The following ENOX1 variants were observed in gnomAD, a reference collection of about 807,000 sequenced individuals.
The protein encoded by ENOX1 is candidate growth-related and time keeping constitutive hydroquinone (NADH) oxidase.
A neutral mutation model predicts 82.5 loss-of-function variants in ENOX1; 42 were observed. That is an observed-to-expected ratio of 0.51 (90% CI 0.40 to 0.66). The LOEUF (loss-of-function observed/expected upper bound fraction) is 0.66, where lower values mean the gene tolerates loss of function less well. Among genes scored for constraint, ENOX1 ranks in the 30% least tolerant of loss-of-function variants. The pLI is 0.00. For synonymous variants in ENOX1, 271 were observed against 282.2 expected (o/e 0.96, Z 0.40); for missense variants, 608 against 811.6 (o/e 0.75, Z 3.05).
chr13:43,409,235 A>G (rs76266728), intron 5 of ENOX1, among the ~76,000 whole-genome samples: 1 of 152,114 alleles, frequency 6.6e-6, no homozygotes, highest in Non-Finnish European at 1.5e-5. Context: ...TATTAAGTCC[A>G]TATGTATAGT....
At chr13:43,552,518 AT>A (rs2079246213) in intron 2 of ENOX1, among the ~76,000 whole-genome samples, 1 of 151,872 alleles carries the variant, frequency 6.6e-6, no homozygotes, top group African/African-American at 2.4e-5. Flanking sequence ...CTGGCTATAC[AT>A]TCTCCTCCCT....
chr13:43,711,655 A>T (rs2087725651), intron 1 of ENOX1, among the ~76,000 whole-genome samples: 5 of 151,368 alleles, frequency 3.3e-5, no homozygotes, highest in African/African-American at 1.2e-4. Context: ...TTTGATTTGC[A>T]TTTCTCTGAT....
At chr13:43,294,984 A>G (rs1341124033) in intron 12 of ENOX1, among the ~76,000 whole-genome samples, 1 of 152,220 alleles carries the variant, frequency 6.6e-6, no homozygotes, top group East Asian at 1.9e-4. Flanking sequence ...CAAAAGGGGC[A>G]AGAGGCAGCG....
At chr13:43,688,122 C>T (rs988138874) in intron 1 of ENOX1, among the ~76,000 whole-genome samples, 6 of 152,040 alleles carry the variant, frequency 3.9e-5, no homozygotes, top group East Asian at 3.9e-4. Flanking sequence ...AAGGTAGTGA[C>T]ATTTGGATCC....
Position 43,582,245 on chromosome 13 carries a change from T to A in ENOX1, c.-219+85234A>T, listed in dbSNP as rs555021008. Among the ~76,000 whole-genome samples the A allele has an allele frequency of 4.4e-4, 67 of 152,036 alleles. 2 individuals are homozygous for A. In the South Asian group the frequency reaches 8.5e-3, roughly 19 times the overall value. On this transcript the variant is annotated intron_variant, in intron 2 of 16. Transcript: ENST00000690772. ...TTAATAACATGCAGAAAATAACTTT[T>A]AAAAAAAATCCACAGGATAGCTAAA...
intron 12 of ENOX1, 115 bp downstream of exon 12, chr13:43,298,231 T>G: frequency 8.9e-7 from 1 of 1,119,828 alleles, no homozygotes; most frequent in Non-Finnish European, 1.2e-6. Context: ...TAACATAGCT[T>G]TTTGGTTGTC....
intron 2 of ENOX1, among the ~76,000 whole-genome samples, chr13:43,520,657 G>T (rs1001308577): frequency 6.6e-6 from 1 of 152,096 alleles, no homozygotes; most frequent in Non-Finnish European, 1.5e-5. Flanking sequence ...GCTTTGCCGG[G>T]GGGCGGCCAC....
At chr13:43,475,910 T>C (rs1042472392) in intron 3 of ENOX1, among the ~76,000 whole-genome samples, 1 of 151,828 alleles carries the variant, frequency 6.6e-6, no homozygotes, top group Non-Finnish European at 1.5e-5. Context: ...TAAAGGACAC[T>C]TTTTTAGAGC....
chr13:43,493,601 T>C (rs1219081610), intron 2 of ENOX1, among the ~76,000 whole-genome samples: 1 of 152,178 alleles, frequency 6.6e-6, no homozygotes, highest in African/African-American at 2.4e-5. Context: ...ACCACCCACA[T>C]TGAAGGCAGA....
intron 2 of ENOX1, among the ~76,000 whole-genome samples, chr13:43,486,563 A>G (rs921165347): frequency 6.6e-6 from 1 of 152,182 alleles, no homozygotes; most frequent in Non-Finnish European, 1.5e-5. Context: ...TTCCAGGAAC[A>G]CTGCAATAAT....
At chr13:43,662,049 G>A (rs2084759810) in intron 2 of ENOX1, among the ~76,000 whole-genome samples, 1 of 151,952 alleles carries the variant, frequency 6.6e-6, no homozygotes, top group Non-Finnish European at 1.5e-5. Flanking sequence ...CTCTTTCTGT[G>A]CACATAGTCC....
intron 2 of ENOX1, among the ~76,000 whole-genome samples, chr13:43,568,871 T>A (rs1329291): frequency 0.97 from 147,927 of 152,198 alleles, 72,031 homozygotes; most frequent in East Asian, 1. Context: ...TGGCTGTCTT[T>A]GGGGTCTGAT....
chr13:43,603,889 T>G (rs2081859661), intron 2 of ENOX1, among the ~76,000 whole-genome samples: 1 of 107,120 alleles, frequency 9.3e-6, no homozygotes, highest in Non-Finnish European at 1.8e-5. Context: ...TTATAGTCCT[T>G]TGGGTATATA....
chr13:43,555,155 C>G (rs2040094478), intron 2 of ENOX1, among the ~76,000 whole-genome samples: 1 of 152,132 alleles, frequency 6.6e-6, no homozygotes, highest in South Asian at 2.1e-4. Flanking sequence ...GCTAATATCC[C>G]AAAGCTTTCA....
At chr13:43,326,754 G>A (rs993451035) in intron 9 of ENOX1, among the ~76,000 whole-genome samples, 1 of 152,172 alleles carries the variant, frequency 6.6e-6, no homozygotes, top group East Asian at 1.9e-4. Context: ...GTATGACCGG[G>A]AGAAGGGCAA....
intron 12 of ENOX1, among the ~76,000 whole-genome samples, chr13:43,277,733 A>G (rs1176828980): frequency 1.3e-5 from 2 of 152,204 alleles, no homozygotes; most frequent in East Asian, 3.8e-4. Context: ...ACAAGGACTT[A>G]GAGCTGAAAA....
intron 12 of ENOX1, among the ~76,000 whole-genome samples, chr13:43,279,695 G>T (rs752022128): frequency 2.0e-5 from 3 of 152,168 alleles, no homozygotes; most frequent in African/African-American, 4.8e-5. Flanking sequence ...AAAGGTGCCC[G>T]CTGAGTTAAA....
intron 1 of ENOX1, among the ~76,000 whole-genome samples, chr13:43,714,590 G>A (rs2087978933): frequency 6.6e-6 from 1 of 152,188 alleles, no homozygotes; most frequent in African/African-American, 2.4e-5. Flanking sequence ...TCATGAATCT[G>A]GGTGCTCCTG....
intron 3 of ENOX1, among the ~76,000 whole-genome samples, chr13:43,475,794 C>CAAAAAAAAAAAAAAAAAAAAAA (rs10624980): frequency 1.4e-5 from 1 of 70,946 alleles, no homozygotes; most frequent in Non-Finnish European, 2.5e-5. Flanking sequence ...CATAACTGAC[C>CAAAAAAAAAAAAAAAAAAAAAA]AAAAAAAAAA....
Sources: gnomAD v4.1 joint callset for allele counts (sites outside exome capture counted in the v4.1 genomes callset) on GRCh38, gnomAD v4.1.1 for gene constraint, MANE v1.5 for transcripts, NCBI Gene and HGNC (gene_info 2026-07-23, HGNC 2026-07-21) for gene names.